Variants in PLK2 observed in about 807,000 individuals in gnomAD.
The protein encoded by PLK2 is polo like kinase 2, also known as serine/threonine-protein kinase PLK2.
Under a neutral mutation model 78.1 loss-of-function variants are expected in PLK2, and 25 were observed. The ratio of observed to expected loss-of-function variants is 0.32; its 90% CI spans 0.23 to 0.45. The LOEUF (loss-of-function observed/expected upper bound fraction) is 0.45, where lower values mean the gene tolerates loss of function less well. PLK2 is among the 20% of genes least tolerant of loss of function. PLK2 has a pLI of 1.00. For synonymous variants in PLK2, 332 were observed against 298.2 expected (o/e 1.11, Z -1.17); for missense variants, 566 against 840.2 (o/e 0.67, Z 4.04).
rs760003152 is a variant in PLK2, at chr5:58,454,780, AAAAT to A, written c.1867-10_1867-7del. 5.0e-6 allele frequency: 8 copies of A among 1,590,234 alleles called. No individual in the cohort carries two copies. In the East Asian group the frequency reaches 1.6e-4, roughly 31 times the overall value. ...TGATCATGGTAGAAATTCACCTTAA[AAAAT>A]AAACATAGACATTAGATCTCTCAAA... On this transcript the variant is annotated splice_region_variant and splice_polypyrimidine_tract_variant and intron_variant, in intron 13 of 13. Coordinates refer to ENST00000274289, the MANE Select transcript of PLK2 (RefSeq NM_006622.4).
intron 13 of PLK2, 33 bp from the exon 14 acceptor site, chr5:58,454,807 A>C (rs1194614668): frequency 6.5e-7 from 1 of 1,533,226 alleles, no homozygotes; most frequent in Non-Finnish European, 9.0e-7. Flanking sequence ...TAGATCTCTC[A>C]AAATATTCGA....
intron 5 of PLK2, 43 bp downstream of exon 5, chr5:58,458,041 G>A (rs1329878198): frequency 6.2e-6 from 7 of 1,130,958 alleles, no homozygotes; most frequent in Non-Finnish European, 9.4e-6. Flanking sequence ...GGCATATTTG[G>A]TCTCCACAAA....
intron 10 of PLK2, 117 bp downstream of exon 10, chr5:58,455,909 G>A (rs909342626): frequency 1.1e-5 from 16 of 1,468,656 alleles, no homozygotes; most frequent in Non-Finnish European, 1.4e-5. Context: ...TCCAATTCCT[G>A]TAATCTTACT....
Position 58,454,013 on chromosome 5 carries a change from G to A in PLK2, c.*570C>T, listed in dbSNP as rs1318614196. ...CGTTTTCATACTCTTTATTGCCAAC[G>A]GTTTAAAATGGTCAACATAAAAAAA... On this transcript the variant is annotated 3_prime_UTR_variant, in exon 14 of 14. Coordinates refer to ENST00000274289, the MANE Select transcript of PLK2 (RefSeq NM_006622.4). The A allele has an allele frequency of 6.6e-6, 1 of 152,382 alleles. No individual in the cohort carries two copies. Among genetic ancestry groups the A allele is most frequent in the East Asian group, 1.9e-4 (1 of 5,178 alleles). 9.4% of individuals were successfully genotyped at this position (152,382 alleles called of 1,614,324 possible).
chr5:58,457,266 T>C lies in PLK2; in HGVS notation c.923A>G (p.Lys308Arg), dbSNP rs1317365532. 21 of 1,614,064 alleles carry C rather than the reference T, an allele frequency of 1.3e-5. No individual in the cohort carries two copies. The highest frequency in any genetic ancestry group is 1.7e-5 in the Admixed American group (1 of 60,028). Reference sequence around the variant, plus strand: ...GGACAACATACTAGCAATTAAGTGCTTGGCAGGAGCCAGCAATGAGGACGG... The same window carrying C: ...GGACAACATACTAGCAATTAAGTGCCTGGCAGGAGCCAGCAATGAGGACGG... ...TMPSSLLAPA[K>R]HLIASMLSKN... Residue 308 changes from lysine to arginine, a missense_variant, in exon 7 of 14, where the codon AAG (lysine) becomes AGG (arginine). By Grantham distance (26) the Lys-to-Arg change is conservative. Coordinates refer to ENST00000274289, the MANE Select transcript of PLK2 (RefSeq NM_006622.4).
At chr5:58,458,619 T>C in intron 3 of PLK2, 91 bp from the exon 4 acceptor site, 1 of 1,380,970 alleles carries the variant, frequency 7.2e-7, no homozygotes, top group Non-Finnish European at 1.0e-6. Flanking sequence ...GAAAGTTAAC[T>C]TTGCAGTGTA....
In PLK2 at chr5:58,460,052, G is replaced by A. The variant is rs543988567; in HGVS notation, c.-93C>T. ...TGGTCCTCGCACCCTTGCCTCTGGTGCCGACTAGCACCCAACACCCCGGTC... is the reference window on the plus strand; with the variant it reads ...TGGTCCTCGCACCCTTGCCTCTGGTACCGACTAGCACCCAACACCCCGGTC... On this transcript the variant is annotated 5_prime_UTR_variant, in exon 1 of 14. Coordinates refer to ENST00000274289, the MANE Select transcript of PLK2 (RefSeq NM_006622.4). 2,972 of 1,424,466 alleles carry A rather than the reference G, an allele frequency of 2.1e-3. 4 individuals carry two copies. Among genetic ancestry groups the A allele is most frequent in the Non-Finnish European group, 2.4e-3 (2,560 of 1,059,400 alleles). The allele number at this position is 1,424,466 out of a possible 1,614,324, so 88.2% of individuals were successfully genotyped here. A position where few individuals can be genotyped will look rare whatever the true frequency, so the allele number is the denominator to read the frequency against.
In PLK2 at chr5:58,455,312, A is replaced by C. The variant is rs2111705402; in HGVS notation, c.1728T>G (p.Ser576=). 6.2e-7 allele frequency: 1 copy of C among 1,614,160 alleles called. No individual in the cohort carries two copies. Among genetic ancestry groups the C allele is most frequent in the East Asian group, 2.2e-5 (1 of 44,890 alleles). ...ISQVTVLKYF[S]HYMEENLMDG... Reference sequence around the variant, plus strand: ...CCATGAGGTTCTCCTCCATGTAATGAGAAAAGTATTTCAGCACCGTCACTT... The same window carrying C: ...CCATGAGGTTCTCCTCCATGTAATGCGAAAAGTATTTCAGCACCGTCACTT... The change falls in exon 12 of 14, where the codon TCT becomes TCG. Residue 576 remains serine, a synonymous_variant. Transcript: ENST00000274289.
chr5:58,455,698 G>A lies in PLK2; in HGVS notation c.1466C>T (p.Ala489Val). Residue 489 changes from alanine to valine, a missense_variant, in exon 11 of 14, where the codon GCT becomes GTT. This residue lies in a region of PLK2 where 129 missense variants were observed against 156.0 expected (regional missense o/e 0.83). Coordinates refer to ENST00000274289, the MANE Select transcript of PLK2 (RefSeq NM_006622.4). ...LRGCLENMPE[A>V]DCIPKEQLST... Reference sequence around the variant, plus strand: ...CAGCTGCTCTTTGGGAATGCAATCAGCTTCCGGCATGTTTTCCAGACATCC... The same window carrying A: ...CAGCTGCTCTTTGGGAATGCAATCAACTTCCGGCATGTTTTCCAGACATCC... The A allele has an allele frequency of 1.9e-6, 3 of 1,614,136 alleles. No individual in the cohort carries two copies. The highest frequency in any genetic ancestry group is 1.3e-5 in the African/African-American group (1 of 75,050).
Position 58,454,238 on chromosome 5 carries a change from T to C in PLK2, c.*345A>G. On this transcript the variant is annotated 3_prime_UTR_variant, in exon 14 of 14. Transcript: ENST00000274289. ...ACATGGGAGCTTCCTCCCTTCTCCCTCCCCTTCAGGAAGTATATTCACAGT... is the reference window on the plus strand; with the variant it reads ...ACATGGGAGCTTCCTCCCTTCTCCCCCCCCTTCAGGAAGTATATTCACAGT... The C allele has an allele frequency of 1.1e-5, 2 of 185,152 alleles. No homozygotes were observed. Among genetic ancestry groups the C allele is most frequent in the East Asian group, 1.4e-4 (1 of 7,210 alleles). The allele number at this position is 185,152 out of a possible 1,614,324, so 11.5% of individuals were successfully genotyped here. A position where few individuals can be genotyped will look rare whatever the true frequency, so the allele number is the denominator to read the frequency against.
At position 58,459,897 on chromosome 5, in the gene PLK2, C is replaced by G. The variant is rs769852127; in HGVS notation, c.63G>C (p.Ala21=). 36 of 1,612,092 alleles carry G rather than the reference C, an allele frequency of 2.2e-5. No homozygotes were observed. Among genetic ancestry groups the G allele is most frequent in the Non-Finnish European group, 3.0e-5 (35 of 1,179,718 alleles). The change falls in exon 1 of 14, where the codon GCG becomes GCC. Residue 21 remains alanine (A), a synonymous_variant. Transcript: ENST00000274289. The part of the protein sequence containing the change: ...PAASTKMCEQ[A]LGKGCGADSK... ...AGTCCGCTCCGCAACCCTTGCCCAGCGCCTGCTCGCACATTTTGGTGCTGG... is the reference window on the plus strand; with the variant it reads ...AGTCCGCTCCGCAACCCTTGCCCAGGGCCTGCTCGCACATTTTGGTGCTGG...
At chr5:58,456,279 G>A in intron 9 of PLK2, 124 bp from the exon 10 acceptor site, 1 of 956,484 alleles carries the variant, frequency 1.0e-6, no homozygotes, top group South Asian at 1.6e-5. Flanking sequence ...ATGGACACAA[G>A]CCAGATAAAA....
At chr5:58,456,863 T>A in intron 8 of PLK2, 82 bp downstream of exon 8, 2 of 891,608 alleles carry the variant, frequency 2.2e-6, no homozygotes, top group Non-Finnish European at 1.7e-6. Context: ...GTTATGCTAA[T>A]ATAAAATTCT....
chr5:58,458,217 T>C lies in PLK2; in HGVS notation c.626-46A>G, dbSNP rs759777599. On this transcript the variant is annotated intron_variant, in intron 4 of 13. Coordinates refer to ENST00000274289, the MANE Select transcript of PLK2 (RefSeq NM_006622.4). ...AATGTGAATCCCTTTGAAAATGCGT[T>C]CTAACCAAGTACACACACATCCACT... The C allele has an allele frequency of 2.9e-6, 4 of 1,403,126 alleles. No homozygotes were observed. In the Admixed American group the frequency reaches 6.7e-5, roughly 23 times the overall value. The allele number at this position is 1,403,126 out of a possible 1,614,324, so 86.9% of individuals were successfully genotyped here.
At position 58,456,011 on chromosome 5, in the gene PLK2, T is replaced by A; in HGVS notation, c.1384+15A>T. 1 of 1,604,652 alleles carries A rather than the reference T, an allele frequency of 6.2e-7. No individual in the cohort carries two copies. Among genetic ancestry groups the A allele is most frequent in the East Asian group, 2.2e-5 (1 of 44,836 alleles). On this transcript the variant is annotated intron_variant, in intron 10 of 13. Transcript: ENST00000274289. ...TCGAGTTTCATTATTTAAAATACGA[T>A]TGACAACCACTTACATTCACTGCTG...
intron 3 of PLK2, 36 bp downstream of exon 3, chr5:58,458,689 G>T: frequency 7.8e-7 from 1 of 1,280,072 alleles, no homozygotes; most frequent in Non-Finnish European, 1.1e-6. Flanking sequence ...TTAATTCGGG[G>T]TAAGCAAATG....
chr5:58,457,764 GT>G (rs1227579338), intron 5 of PLK2, 181 bp from the exon 6 acceptor site: 3 of 592,234 alleles, frequency 5.1e-6, no homozygotes, highest in East Asian at 5.6e-5. Flanking sequence ...GACCAAATGA[GT>G]TTTGGTAATT....
rs1384309407 is a variant in PLK2 at position 58,455,575 on chromosome 5, T to C, written c.1589A>G (p.Asn530Ser). 6.2e-7 allele frequency: 1 copy of C among 1,613,990 alleles called. No individual in the cohort carries two copies. The highest frequency in any genetic ancestry group is 1.3e-5 in the African/African-American group (1 of 74,934). ...LSDHTVGVLF[N>S]NGAHMSLLPD... ...AAGGAGGCTCATGTGAGCACCATTGTTGAAAAGGACACCGACGGTGTGGTC... is the reference window on the plus strand; with the variant it reads ...AAGGAGGCTCATGTGAGCACCATTGCTGAAAAGGACACCGACGGTGTGGTC... The change falls in exon 11 of 14, where the codon AAC (asparagine) becomes AGC (serine). Residue 530 changes from asparagine (N) to serine (S), a missense_variant. Asn to Ser is a conservative substitution (Grantham distance 46). Around this residue, in one of 5 missense-constraint regions of PLK2, gnomAD observed 130 missense variants for 196.4 expected, o/e 0.66. Coordinates refer to ENST00000274289, the MANE Select transcript of PLK2 (RefSeq NM_006622.4).
chr5:58,454,526 C>T lies in PLK2; in HGVS notation c.*57G>A, dbSNP rs1743546566. ...ATACTCTAGATCATTCTTTTGGCTT[C>T]CCTGTAGATCTCACAGTGGAAAAGA... is the stretch of plus-strand genomic sequence containing the variant. On this transcript the variant is annotated 3_prime_UTR_variant, in exon 14 of 14. Transcript: ENST00000274289. 2 of 1,194,612 alleles carry T rather than the reference C, an allele frequency of 1.7e-6. No individual in the cohort carries two copies. The highest frequency in any genetic ancestry group is 2.4e-6 in the Non-Finnish European group (2 of 830,470). 74.0% of individuals were successfully genotyped at this position (1,194,612 alleles called of 1,614,324 possible).
Sources: allele counts gnomAD v4.1 joint callset, GRCh38; gene constraint gnomAD v4.1.1; regional missense constraint gnomAD v4.1.1; transcripts MANE v1.5; gene names NCBI Gene and HGNC (gene_info 2026-07-23, HGNC 2026-07-21).